CFAP97D2: variants seen among roughly 807,000 people sequenced by gnomAD.
The protein encoded by CFAP97D2 is uncharacterized protein CFAP97D2.
At chr13:114,195,511 G>A (rs937898346) in intron 1 of CFAP97D2, among the ~76,000 whole-genome samples, 4 of 152,148 alleles carry the variant, frequency 2.6e-5, no homozygotes, top group African/African-American at 9.7e-5. Flanking sequence ...CAGGTTATCC[G>A]TGAGCAGGTC....
At chr13:114,195,904 T>C (rs187366910) in intron 1 of CFAP97D2, among the ~76,000 whole-genome samples, 5 of 122,546 alleles carry the variant, frequency 4.1e-5, no homozygotes, top group African/African-American at 1.7e-4. Context: ...ACCCTGTCTC[T>C]ACTAAAAATT....
chr13:114,214,471 G>T (rs192137193), intron 4 of CFAP97D2, among the ~76,000 whole-genome samples: 42 of 152,274 alleles, frequency 2.8e-4, no homozygotes, highest in East Asian at 1.5e-3. Flanking sequence ...CAGTATAGAG[G>T]GTGTAAGGAA....
At chr13:114,222,810 A>G (rs1334299480), downstream of CFAP97D2, 9 of 349,280 alleles carry the variant, frequency 2.6e-5, no homozygotes, top group Non-Finnish European at 4.6e-5. The surrounding 1 kb of genome is among the most constrained non-coding windows in gnomAD (Gnocchi z 4.4). Context: ...TGTTTCAACA[A>G]TGTGCCCGAG....
chr13:114,188,700 C>T (rs900169927), intron 1 of CFAP97D2, among the ~76,000 whole-genome samples: 1 of 150,742 alleles, frequency 6.6e-6, no homozygotes, highest in Non-Finnish European at 1.5e-5. Flanking sequence ...TGGCATGAAC[C>T]CCGGAGGAGG....
intron 4 of CFAP97D2, chr13:114,215,952 A>T (rs967230809): frequency 1.3e-5 from 2 of 152,256 alleles, no homozygotes; most frequent in African/African-American, 4.8e-5. Flanking sequence ...GCAGAGGCTT[A>T]TGTCAAAGTC....
chr13:114,181,168 GT>G (rs1358812893), intron 1 of CFAP97D2, among the ~76,000 whole-genome samples: 1 of 152,250 alleles, frequency 6.6e-6, no homozygotes, highest in Non-Finnish European at 1.5e-5. Flanking sequence ...AGGGGATGAA[GT>G]GAAGACAGAG....
In CFAP97D2 at chr13:114,194,173, C is replaced by G. The variant is rs1594515543; in HGVS notation, c.91-2223C>G. On this transcript the variant is annotated intron_variant, in intron 1 of 4. Coordinates refer to ENST00000646158, the Ensembl canonical transcript of CFAP97D2. ...ATTGAATGATGGAATTAGAATATCT[C>G]CACTTTTCAAACCATAATGAAGTAA... 1.3e-5 allele frequency among the ~76,000 whole-genome samples: 2 copies of G among 152,292 alleles called. 1 individual carries two copies. The highest frequency in any genetic ancestry group is 6.8e-3 in the Middle Eastern group (2 of 292).
At chr13:114,192,676 C>T (rs1307957775) in intron 1 of CFAP97D2, among the ~76,000 whole-genome samples, 1 of 151,994 alleles carries the variant, frequency 6.6e-6, no homozygotes, top group East Asian at 1.9e-4. Context: ...AGTAAAAAAA[C>T]ACAAATCAAT....
chr13:114,180,814 T>C lies in CFAP97D2; in HGVS notation c.90+1394T>C, dbSNP rs190793610. Among the ~76,000 whole-genome samples, 3 of 152,340 alleles carry C rather than the reference T, an allele frequency of 2.0e-5. No individual in the cohort carries two copies. In the East Asian group the frequency reaches 5.8e-4, roughly 29 times the overall value. On this transcript the variant is annotated intron_variant, in intron 1 of 4. Transcript: ENST00000646158. The stretch of plus-strand genomic sequence containing the variant: ...TGCTTTTGTATCCCGGGGACTAGAA[T>C]ACCTCCTGCATGAGGTAGCTGGTCA...
intron 3 of CFAP97D2, among the ~76,000 whole-genome samples, chr13:114,205,273 A>G (rs1040932934): frequency 1.3e-5 from 2 of 152,230 alleles, no homozygotes; most frequent in Non-Finnish European, 2.9e-5. Flanking sequence ...AAGTGATTAA[A>G]CATATTTTAA....
chr13:114,205,031 C>A (rs1362859408), intron 3 of CFAP97D2, among the ~76,000 whole-genome samples: 1 of 152,120 alleles, frequency 6.6e-6, no homozygotes, highest in Non-Finnish European at 1.5e-5. Flanking sequence ...AGACATTTCT[C>A]CAAGGAAGAC....
rs9590471 is a variant in CFAP97D2, at chr13:114,182,230, T to G, written c.90+2810T>G. ...CAAGGGAAGGTACTATGCCTGGATGTGCACGTAGGCCAGATTTATGTTTCT... is the reference window on the plus strand; with the variant it reads ...CAAGGGAAGGTACTATGCCTGGATGGGCACGTAGGCCAGATTTATGTTTCT... On this transcript the variant is annotated intron_variant, in intron 1 of 4. Coordinates refer to ENST00000646158, the Ensembl canonical transcript of CFAP97D2. Among the ~76,000 whole-genome samples the G allele has an allele frequency of 6.3e-3, 953 of 151,216 alleles. 13 individuals are homozygous for G. The highest frequency in any genetic ancestry group is 0.02 in the African/African-American group (827 of 41,076).
chr13:114,179,626 C>CTT lies in CFAP97D2; in HGVS notation c.90+217_90+218dup, dbSNP rs765746333. On this transcript the variant is annotated intron_variant, in intron 1 of 4. Transcript: ENST00000646158. This position sits in a 1 kb window ranked among gnomAD's most constrained non-coding sequence, Gnocchi z 4.8. Reference sequence around the variant, plus strand: ...AAATAGTTGACGGCTTTCTTTCTTTCTTTTTTTTTTTTGAGATGACAGCTT... The same window carrying CTT: ...AAATAGTTGACGGCTTTCTTTCTTTCTTTTTTTTTTTTTTGAGATGACAGCTT... 1.1e-4 allele frequency among the ~76,000 whole-genome samples: 16 copies of CTT among 145,358 alleles called. No individual in the cohort carries two copies. Among genetic ancestry groups the CTT allele is most frequent in the African/African-American group, 2.8e-4 (11 of 39,786 alleles).
At chr13:114,181,419 G>A (rs977349352) in intron 1 of CFAP97D2, among the ~76,000 whole-genome samples, 5 of 152,196 alleles carry the variant, frequency 3.3e-5, no homozygotes, top group Middle Eastern at 3.4e-3. Context: ...TGGCAGAGCC[G>A]TCCCACGGGG....
chr13:114,206,974 G>C (rs2080943408), intron 3 of CFAP97D2, among the ~76,000 whole-genome samples: 1 of 152,180 alleles, frequency 6.6e-6, no homozygotes, highest in Admixed American at 6.5e-5. Flanking sequence ...TTGCCTTAAA[G>C]GGACAGGCAT....
At chr13:114,214,790 C>T (rs781469627) in intron 4 of CFAP97D2, among the ~76,000 whole-genome samples, 12 of 152,160 alleles carry the variant, frequency 7.9e-5, no homozygotes, top group Admixed American at 2.0e-4. Context: ...TCCTACTCTA[C>T]GTAGTTTTCT....
intron 1 of CFAP97D2, among the ~76,000 whole-genome samples, chr13:114,191,266 C>A (rs2080868408): frequency 6.6e-6 from 1 of 152,034 alleles, no homozygotes; most frequent in Admixed American, 6.5e-5. Context: ...AAATTATTGA[C>A]AAGCTGAACT....
intron 3 of CFAP97D2, among the ~76,000 whole-genome samples, chr13:114,206,604 A>G (rs2080941495): frequency 6.6e-6 from 1 of 152,254 alleles, no homozygotes; most frequent in African/African-American, 2.4e-5. Context: ...GATTCCACGT[A>G]TATGAAACAA....
chr13:114,194,895 A>C (rs555969576), intron 1 of CFAP97D2, among the ~76,000 whole-genome samples: 1 of 152,348 alleles, frequency 6.6e-6, no homozygotes, highest in African/African-American at 2.4e-5. Context: ...ACTTGCTTCT[A>C]GAAAGCTCTG....
Sources: gnomAD v4.1 joint callset for allele counts (sites outside exome capture counted in the v4.1 genomes callset) on GRCh38, gnomAD v4.1.1 for gene constraint, Gnocchi (gnomAD v3.1) non-coding constraint, MANE v1.5 for transcripts, NCBI Gene and HGNC (gene_info 2026-07-23, HGNC 2026-07-21) for gene names.